The following KIAA0319 variants were observed in gnomAD, a reference collection of about 807,000 sequenced individuals.
The protein encoded by KIAA0319 is dyslexia-associated protein KIAA0319.
Under a neutral mutation model 108.4 loss-of-function variants are expected in KIAA0319, and 83 were observed. That is an observed-to-expected ratio of 0.77 (90% CI 0.64 to 0.92). The LOEUF (loss-of-function observed/expected upper bound fraction) is 0.92, where lower values mean the gene tolerates loss of function less well. Among genes scored for constraint, KIAA0319 ranks in the 40% least tolerant of loss-of-function variants. The probability of loss-of-function intolerance (pLI) is 0.00; values close to 1 mark genes in which losing one functional copy is unlikely to be tolerated. For missense variants in KIAA0319, 1,195 were observed against 1,322.4 expected (o/e 0.90, Z 1.49); for synonymous variants, 484 against 510.4 (o/e 0.95, Z 0.70).
chr6:24,609,278 A>AG (rs1180008395), intron 1 of KIAA0319, among the ~76,000 whole-genome samples: 2 of 150,106 alleles, frequency 1.3e-5, no homozygotes, highest in South Asian at 4.2e-4. Flanking sequence ...AAAAACAAAA[A>AG]AAAAAAAAAA....
At chr6:24,577,545 G>A (rs915571015) in intron 9 of KIAA0319, among the ~76,000 whole-genome samples, 4 of 152,186 alleles carry the variant, frequency 2.6e-5, no homozygotes, top group Non-Finnish European at 5.9e-5. Context: ...CGTTAAAGAT[G>A]GTGGTGGGAG....
In KIAA0319 at chr6:24,599,863, AG is replaced by A; in HGVS notation, c.55+1185del. The A allele has an allele frequency of 2.6e-6, 1 of 391,622 alleles. No individual in the cohort carries two copies. The highest frequency in any genetic ancestry group is 4.8e-6 in the Non-Finnish European group (1 of 208,310). 24.3% of individuals were successfully genotyped at this position (391,622 alleles called of 1,614,324 possible). ...GAGCCTGTGGGGGAGGCCACTGTGC[AG>A]GGGAGCATAGGGAACAGGAGACCCA... is the stretch of plus-strand genomic sequence containing the variant. On this transcript the variant is annotated intron_variant, in intron 2 of 20. Transcript: ENST00000378214. The surrounding 1 kb of genome is among the most constrained non-coding windows in gnomAD (Gnocchi z 4.1).
At chr6:24,595,563 A>AAAAAAAAAAC in intron 3 of KIAA0319, among the ~76,000 whole-genome samples, 1 of 142,998 alleles carries the variant, frequency 7.0e-6, no homozygotes, top group Non-Finnish European at 1.5e-5. Flanking sequence ...AAAAAAAAAA[A>AAAAAAAAAAC]AAAAAAACGC....
chr6:24,560,456 G>A (rs1190169761), intron 16 of KIAA0319, among the ~76,000 whole-genome samples: 1 of 152,186 alleles, frequency 6.6e-6, no homozygotes, highest in Non-Finnish European at 1.5e-5. Context: ...GTGGCTAATG[G>A]TGAGCACCTT....
At chr6:24,584,105 TGTCTCATTA>T (rs983955561) in intron 4 of KIAA0319, among the ~76,000 whole-genome samples, 13 of 152,212 alleles carry the variant, frequency 8.5e-5, no homozygotes, top group African/African-American at 3.1e-4. Flanking sequence ...TAAGTGTTTC[TGTCTCATTA>T]GTCACACTCC....
At chr6:24,611,335 C>G (rs1772288652) in intron 1 of KIAA0319, among the ~76,000 whole-genome samples, 1 of 151,870 alleles carries the variant, frequency 6.6e-6, no homozygotes, top group Admixed American at 6.6e-5. Context: ...CCTGTCTGTA[C>G]TAAAAATACA....
intron 1 of KIAA0319, among the ~76,000 whole-genome samples, chr6:24,634,287 C>T (rs1054066595): frequency 5.9e-5 from 9 of 152,250 alleles, no homozygotes; most frequent in African/African-American, 1.4e-4. Context: ...AAGCACACCT[C>T]GAAACACACA....
chr6:24,592,356 G>T (rs1768628117), intron 3 of KIAA0319, among the ~76,000 whole-genome samples: 1 of 151,888 alleles, frequency 6.6e-6, no homozygotes, highest in Non-Finnish European at 1.5e-5. Flanking sequence ...TATTTTTTTG[G>T]TGAGAGAAAA....
At chr6:24,614,907 T>C (rs1562072657) in intron 1 of KIAA0319, among the ~76,000 whole-genome samples, 1 of 152,144 alleles carries the variant, frequency 6.6e-6, no homozygotes, top group African/African-American at 2.4e-5. Context: ...CTGGTTCCCA[T>C]ACATCCCATT....
Position 24,596,232 on chromosome 6 carries a change from A to T in KIAA0319, c.442T>A (p.Trp148Arg), listed in dbSNP as rs767414223. The T allele has an allele frequency of 6.2e-7, 1 of 1,614,118 alleles. No homozygotes were observed. The highest frequency in any genetic ancestry group is 1.1e-5 in the South Asian group (1 of 91,078). ...RKDLTFLGKD[W>R]GLEEMSEYSD... ...TACTCAGACATCTCCTCTAGGCCCCAATCTTTGCCTAGAAAGGTCAAGTCC... is the reference window on the plus strand; with the variant it reads ...TACTCAGACATCTCCTCTAGGCCCCTATCTTTGCCTAGAAAGGTCAAGTCC... Residue 148 changes from tryptophan to arginine, a missense_variant, in exon 3 of 21, where the codon TGG (tryptophan) becomes AGG (arginine). Transcript: ENST00000378214.
At chr6:24,642,959 C>T (rs1004889406) in intron 1 of KIAA0319, among the ~76,000 whole-genome samples, 2 of 152,178 alleles carry the variant, frequency 1.3e-5, no homozygotes, top group South Asian at 2.1e-4. Context: ...CCGTCCATTT[C>T]GGACTCCCAA....
At chr6:24,628,101 G>A (rs1774965783) in intron 1 of KIAA0319, among the ~76,000 whole-genome samples, 1 of 152,112 alleles carries the variant, frequency 6.6e-6, no homozygotes, top group Non-Finnish European at 1.5e-5. Context: ...AATAATTACA[G>A]AACATGGGCA....
chr6:24,576,643 G>T (rs1440491163), intron 9 of KIAA0319, 47 bp from the exon 10 acceptor site: 2 of 1,484,936 alleles, frequency 1.3e-6, no homozygotes, highest in Non-Finnish European at 1.9e-6. Flanking sequence ...TGCCAGGCTG[G>T]GTGCAGTGAC....
chr6:24,606,708 A>C (rs1490158745), intron 1 of KIAA0319, among the ~76,000 whole-genome samples: 6 of 152,250 alleles, frequency 3.9e-5, no homozygotes, highest in Admixed American at 2.0e-4. Flanking sequence ...CTAACAGACT[A>C]CATTTCCCAA....
intron 4 of KIAA0319, among the ~76,000 whole-genome samples, chr6:24,586,746 T>C (rs1767562290): frequency 6.6e-6 from 1 of 152,158 alleles, no homozygotes; most frequent in African/African-American, 2.4e-5. Flanking sequence ...TTTTTCTCTC[T>C]TGTTAATCTA....
intron 1 of KIAA0319, among the ~76,000 whole-genome samples, chr6:24,612,876 G>A (rs1336712609): frequency 6.6e-6 from 1 of 152,064 alleles, no homozygotes; most frequent in East Asian, 1.9e-4. Context: ...TCCGCTCAAT[G>A]CAAGCTCCGC....
At chr6:24,579,589 A>C (rs2127479971) in intron 8 of KIAA0319, among the ~76,000 whole-genome samples, 1 of 150,194 alleles carries the variant, frequency 6.7e-6, no homozygotes, top group East Asian at 1.9e-4. Context: ...ATACCACACC[A>C]GAAGGAGATT....
At chr6:24,631,402 G>A (rs529728062) in intron 1 of KIAA0319, among the ~76,000 whole-genome samples, 1 of 152,330 alleles carries the variant, frequency 6.6e-6, no homozygotes, top group East Asian at 1.9e-4. Context: ...GAGAACAATT[G>A]AAAGGAGCAA....
intron 1 of KIAA0319, among the ~76,000 whole-genome samples, chr6:24,639,068 C>T (rs1776582785): frequency 6.6e-6 from 1 of 151,860 alleles, no homozygotes; most frequent in Admixed American, 6.6e-5. Context: ...TTTTATTTGT[C>T]AATTATACCT....
Sources: gnomAD v4.1 joint callset for allele counts (sites outside exome capture counted in the v4.1 genomes callset) on GRCh38, gnomAD v4.1.1 for gene constraint, Gnocchi (gnomAD v3.1) non-coding constraint, MANE v1.5 for transcripts, NCBI Gene and HGNC (gene_info 2026-07-23, HGNC 2026-07-21) for gene names.